Variants in APBB2 observed in about 807,000 individuals in gnomAD.
The protein encoded by APBB2 is Fe65-like 1.
Under a neutral mutation model 82.5 loss-of-function variants are expected in APBB2, and 38 were observed. That is an observed-to-expected ratio of 0.46 (90% confidence interval 0.36 to 0.60). The LOEUF is 0.60. APBB2 is among the 20% of genes least tolerant of loss of function. APBB2 has a pLI of 0.00. For synonymous variants in APBB2, 341 were observed against 368.2 expected, an observed-to-expected ratio of 0.93 and a Z score of 0.85; for missense variants, 772 against 972.3, an observed-to-expected ratio of 0.79 and a Z score of 2.74.
intron 12 of APBB2, among the ~76,000 whole-genome samples, chr4:40,865,441 G>T (rs1008672627): frequency 6.6e-6 from 1 of 152,188 alleles, no homozygotes; most frequent in South Asian, 2.1e-4. Context: ...GAAGACAAGA[G>T]AAGTTCTTTA....
chr4:41,168,949 G>A (rs1157840551), intron 1 of APBB2, among the ~76,000 whole-genome samples: 1 of 151,972 alleles, frequency 6.6e-6, no homozygotes, highest in East Asian at 1.9e-4. Flanking sequence ...CACTTTGGGA[G>A]GCTGAGGTGG....
At chr4:40,859,992 T>C (rs796497397) in intron 12 of APBB2, among the ~76,000 whole-genome samples, 1 of 152,356 alleles carries the variant, frequency 6.6e-6, no homozygotes, top group African/African-American at 2.4e-5. Context: ...GTGTCCTCCC[T>C]GACAGCATCC....
chr4:40,837,834 C>A (rs1754490811), intron 12 of APBB2, among the ~76,000 whole-genome samples: 1 of 152,106 alleles, frequency 6.6e-6, no homozygotes, highest in Non-Finnish European at 1.5e-5. Context: ...GAAGCTAGTA[C>A]CAGGAATCAA....
chr4:41,106,986 T>C (rs1423741739), intron 2 of APBB2, among the ~76,000 whole-genome samples: 2 of 151,692 alleles, frequency 1.3e-5, no homozygotes, highest in Admixed American at 6.6e-5. Flanking sequence ...GGGCTCCTCA[T>C]AGCCAAAAGT....
intron 1 of APBB2, among the ~76,000 whole-genome samples, chr4:41,185,128 A>G (rs1185931758): frequency 6.6e-6 from 1 of 152,220 alleles, no homozygotes; most frequent in Non-Finnish European, 1.5e-5. Flanking sequence ...ATGGAAATAT[A>G]TGGATGGATG....
chr4:40,836,367 C>T (rs1560651494), intron 12 of APBB2, among the ~76,000 whole-genome samples: 3 of 152,280 alleles, frequency 2.0e-5, no homozygotes, highest in African/African-American at 7.2e-5. Context: ...ATCCCAGCTA[C>T]TTGGGAGGCT....
chr4:41,076,437 A>T (rs1273125500), intron 3 of APBB2, among the ~76,000 whole-genome samples: 1 of 152,194 alleles, frequency 6.6e-6, no homozygotes, highest in Non-Finnish European at 1.5e-5. Flanking sequence ...AACAGTGACC[A>T]GGTGGAGGGA....
intron 10 of APBB2, among the ~76,000 whole-genome samples, chr4:40,924,352 G>C (rs28536716): frequency 6.6e-6 from 1 of 152,026 alleles, no homozygotes; most frequent in Non-Finnish European, 1.5e-5. Context: ...TTGGCAGATT[G>C]TACCTCCCAA....
intron 12 of APBB2, chr4:40,881,433 T>C (rs1768474982): frequency 2.1e-6 from 2 of 957,268 alleles, no homozygotes; most frequent in African/African-American, 3.5e-5. Flanking sequence ...AAAAAAACAA[T>C]GACCAAGAAG....
chr4:40,890,700 A>G (rs973686858), intron 11 of APBB2: 2 of 516,074 alleles, frequency 3.9e-6, no homozygotes, highest in East Asian at 6.9e-5. Flanking sequence ...TCCCTCTCCG[A>G]GTCCTCTGAA....
chr4:40,972,825 T>TAA (rs1796289302), intron 6 of APBB2, among the ~76,000 whole-genome samples: 1 of 152,256 alleles, frequency 6.6e-6, no homozygotes, highest in South Asian at 2.1e-4. Flanking sequence ...AGGCAAAGGA[T>TAA]AGAGTCAATT....
intron 10 of APBB2, among the ~76,000 whole-genome samples, chr4:40,907,470 A>T (rs991290615): frequency 6.8e-6 from 1 of 146,996 alleles, no homozygotes; most frequent in Non-Finnish European, 1.5e-5. Flanking sequence ...TCCTGAGTTC[A>T]AGCAATGATC....
At chr4:40,864,542 T>C (rs745699541) in intron 12 of APBB2, among the ~76,000 whole-genome samples, 14 of 152,138 alleles carry the variant, frequency 9.2e-5, no homozygotes, top group Admixed American at 8.5e-4. Context: ...CCCTGTAAAA[T>C]GCAAAGGCTA....
At chr4:40,985,694 G>A (rs1157740464) in intron 6 of APBB2, among the ~76,000 whole-genome samples, 3 of 152,160 alleles carry the variant, frequency 2.0e-5, no homozygotes, top group East Asian at 1.9e-4. Flanking sequence ...CAGAAACACT[G>A]AAATTAAAAT....
chr4:41,014,146 C>G lies in APBB2; in HGVS notation c.272G>C (p.Gly91Ala), dbSNP rs774437105. 8.1e-6 allele frequency: 13 copies of G among 1,614,116 alleles called. No individual in the cohort carries two copies. The East Asian group carries it at 2.9e-4, about 36-fold the overall frequency. Residue 91 changes from glycine to alanine, a missense_variant, in exon 6 of 18, where the codon GGA becomes GCA. Gly to Ala is a moderately conservative substitution (Grantham distance 60). Transcript: ENST00000508593. ...CAGCTTGATGTTGGCAGAGCCATTTCCCAGCAGGGGCTGTGCAGCTGGATC... is the reference window on the plus strand; with the variant it reads ...CAGCTTGATGTTGGCAGAGCCATTTGCCAGCAGGGGCTGTGCAGCTGGATC... ...LSDPAAQPLL[G>A]NGSANIKLVK...
intron 1 of APBB2, among the ~76,000 whole-genome samples, chr4:41,157,637 T>C (rs1763807655): frequency 1.3e-5 from 2 of 152,106 alleles, no homozygotes. Flanking sequence ...CAAGAAACAA[T>C]ACAGGGGCAG....
chr4:41,198,875 C>T (rs1012429871), intron 1 of APBB2, among the ~76,000 whole-genome samples: 4 of 152,174 alleles, frequency 2.6e-5, no homozygotes, highest in Admixed American at 6.5e-5. Context: ...TCCATCTTCG[C>T]ATGTCTTCCT....
At chr4:41,195,837 C>G in intron 1 of APBB2, among the ~76,000 whole-genome samples, 2 of 152,174 alleles carry the variant, frequency 1.3e-5, no homozygotes, top group Admixed American at 1.3e-4. Flanking sequence ...GATCCTCCCT[C>G]AACTCTTTCA....
chr4:41,143,099 TG>T lies in APBB2; in HGVS notation c.-374del, dbSNP rs1759699634. ...CGGCTGGGCAGATCCGACCACAGCA[TG>T]CTTGGCTACAGACCACAGCAGCTCA... On this transcript the variant is annotated 5_prime_UTR_variant, in exon 2 of 18. Transcript: ENST00000508593. The T allele has an allele frequency of 6.6e-6, 1 of 152,230 alleles. No homozygotes were observed. Among genetic ancestry groups the T allele is most frequent in the Non-Finnish European group, 1.5e-5 (1 of 68,060 alleles). The allele number at this position is 152,230 out of a possible 1,614,324, so 9.4% of individuals were successfully genotyped here. A position where few individuals can be genotyped will look rare whatever the true frequency, so the allele number is the denominator to read the frequency against.
Sources: allele counts gnomAD v4.1 joint callset (sites outside exome capture counted in the v4.1 genomes callset), GRCh38; gene constraint gnomAD v4.1.1; transcripts MANE v1.5; gene names NCBI Gene and HGNC (gene_info 2026-07-23, HGNC 2026-07-21).